GPRASP3: variants seen among roughly 807,000 people sequenced by gnomAD.
GPRASP3 encodes the protein G protein-coupled receptor associated sorting protein family member 3.
At chrX:102,729,047 T>C in the GPRASP3 span, among the ~76,000 whole-genome samples, 1 of 111,733 alleles carries the variant, frequency 8.9e-6, no homozygotes, top group Non-Finnish European at 1.9e-5. Context: ...GGAGACTGAG[T>C]GTGGAATAAT....
chrX:102,752,439 A>G, the GPRASP3 span: 1 of 123,597 alleles, frequency 8.1e-6, no homozygotes, highest in African/African-American at 3.2e-5. Context: ...CCTCTACAAC[A>G]TATTTTTGAA....
At chrX:102,748,766 A>C in the GPRASP3 span, 3 of 330,556 alleles carry the variant, frequency 9.1e-6, no homozygotes, top group Non-Finnish European at 1.6e-5. Context: ...GCAGGTCTGC[A>C]CTTGGGAACA....
the GPRASP3 span, among the ~76,000 whole-genome samples, chrX:102,733,318 G>T: frequency 9.1e-6 from 1 of 109,959 alleles, no homozygotes; most frequent in Non-Finnish European, 1.9e-5. Context: ...AATTAGCCGG[G>T]CATGGTGGCG....
the GPRASP3 span, among the ~76,000 whole-genome samples, chrX:102,723,400 G>T: frequency 9.0e-6 from 1 of 111,423 alleles, no homozygotes; most frequent in Non-Finnish European, 1.9e-5. Context: ...GTAGAGATTA[G>T]TCCCTAGGAC....
the GPRASP3 span, chrX:102,753,235 T>A: frequency 4.0e-5 from 5 of 123,681 alleles, no homozygotes. Flanking sequence ...GCATGTACTC[T>A]TTGGTCGGGA....
chrX:102,749,101 C>T, the GPRASP3 span: 1 of 1,210,368 alleles, frequency 8.3e-7, no homozygotes, highest in Non-Finnish European at 1.1e-6. Context: ...TGTTGTTAGG[C>T]CTGTAGCCAA....
chrX:102,722,404 C>A, the GPRASP3 span, among the ~76,000 whole-genome samples: 1 of 112,444 alleles, frequency 8.9e-6, no homozygotes, highest in African/African-American at 3.2e-5. Flanking sequence ...GGGTACACCA[C>A]CTTCCCAGAA....
chrX:102,750,699 A>ACT, the GPRASP3 span: 1 of 960,242 alleles, frequency 1.0e-6, no homozygotes, highest in Non-Finnish European at 1.4e-6. Flanking sequence ...TGTACATTAC[A>ACT]GTGTACACAT....
the GPRASP3 span, among the ~76,000 whole-genome samples, chrX:102,731,031 C>T: frequency 1.8e-5 from 2 of 112,339 alleles, no homozygotes; most frequent in Admixed American, 1.9e-4. Flanking sequence ...AGAAAGAAAA[C>T]AGTGAATTTG....
the GPRASP3 span, among the ~76,000 whole-genome samples, chrX:102,740,795 A>G: frequency 9.1e-6 from 1 of 110,443 alleles, no homozygotes; most frequent in Non-Finnish European, 1.9e-5. Context: ...GCTGCATACT[A>G]AAGAATGCAT....
At chrX:102,749,580 G>C in the GPRASP3 span, 6 of 1,211,678 alleles carry the variant, frequency 5.0e-6, no homozygotes, top group South Asian at 1.8e-5. Context: ...CTGTGAGCAG[G>C]ATAGTTAAGC....
At chrX:102,749,188 A>G in the GPRASP3 span, 5 of 1,212,096 alleles carry the variant, frequency 4.1e-6, no homozygotes, top group Non-Finnish European at 5.6e-6. Context: ...GTCTAAGAAC[A>G]AGGTTGTTGC....
chrX:102,734,621 A>AAAT, the GPRASP3 span, among the ~76,000 whole-genome samples: 2 of 111,109 alleles, frequency 1.8e-5, no homozygotes, highest in Admixed American at 9.6e-5. Context: ...TGTCTCAAAA[A>AAAT]AATAATAATA....
the GPRASP3 span, among the ~76,000 whole-genome samples, chrX:102,741,615 T>C: frequency 8.9e-6 from 1 of 112,154 alleles, no homozygotes; most frequent in Non-Finnish European, 1.9e-5. Context: ...AGAGAGGCAA[T>C]GCAATAATTG....
the GPRASP3 span, among the ~76,000 whole-genome samples, chrX:102,723,180 T>C: frequency 6.3e-5 from 7 of 111,938 alleles, no homozygotes; most frequent in African/African-American, 6.5e-5. Flanking sequence ...ATAAAAAAGA[T>C]CAAATGCTGA....
the GPRASP3 span, chrX:102,749,993 A>G: frequency 8.3e-7 from 1 of 1,203,825 alleles, no homozygotes; most frequent in Admixed American, 2.2e-5. Context: ...AGCTTACTTA[A>G]GTCAACTACT....
the GPRASP3 span, among the ~76,000 whole-genome samples, chrX:102,721,982 C>T: frequency 8.9e-6 from 1 of 111,998 alleles, no homozygotes; most frequent in African/African-American, 3.3e-5. Context: ...CACAATACTT[C>T]TGGCACAGAA....
chrX:102,750,075 T>C, the GPRASP3 span: 2 of 1,207,453 alleles, frequency 1.7e-6, no homozygotes. Flanking sequence ...CCCAAGAGTT[T>C]ATTAACGAAG....
the GPRASP3 span, chrX:102,749,205 G>A: frequency 5.4e-4 from 650 of 1,210,329 alleles, 3 homozygotes; most frequent in Non-Finnish European, 3.8e-5. Context: ...TTGCTGAGAC[G>A]AAGGAAGGAG....
Sources: gnomAD v4.1 joint callset for allele counts (sites outside exome capture counted in the v4.1 genomes callset) on GRCh38, gnomAD v4.1.1 for gene constraint, MANE v1.5 for transcripts, NCBI Gene and HGNC (gene_info 2026-07-23, HGNC 2026-07-21) for gene names.